The following KCNQ5 variants were observed in gnomAD, a reference collection of about 807,000 sequenced individuals.
The protein encoded by KCNQ5 is potassium voltage-gated channel subfamily Q member 5, also known as potassium voltage-gated channel subfamily KQT member 5.
In KCNQ5, 30 loss-of-function variants were observed where a neutral mutation model predicts 98.2. The observed-to-expected ratio is 0.31, with a 90% CI of 0.23 to 0.41. The LOEUF is 0.41. KCNQ5 is among the 10% of genes least tolerant of loss of function. KCNQ5 has a pLI of 1.00. For synonymous variants in KCNQ5, 458 were observed against 449.4 expected (o/e 1.02, Z -0.24); for missense variants, 835 against 1,182.5 (o/e 0.71, Z 4.31).
chr6:73,129,209 A>G (rs1200017426), intron 9 of KCNQ5, among the ~76,000 whole-genome samples: 1 of 152,244 alleles, frequency 6.6e-6, no homozygotes, highest in East Asian at 1.9e-4. Flanking sequence ...TTGATAGAGG[A>G]AACGGATTTA....
At chr6:73,018,321 G>A (rs1027801202) in intron 2 of KCNQ5, among the ~76,000 whole-genome samples, 2 of 152,044 alleles carry the variant, frequency 1.3e-5, no homozygotes, top group Non-Finnish European at 2.9e-5. Flanking sequence ...CTGTAGCCAG[G>A]CAGGGATGCG....
intron 1 of KCNQ5, among the ~76,000 whole-genome samples, chr6:72,624,029 T>C (rs963325612): frequency 2.6e-5 from 4 of 152,224 alleles, no homozygotes; most frequent in Admixed American, 2.6e-4. Flanking sequence ...CAGTCCCAGA[T>C]TGACGTGAAC....
rs796455196 is a variant in KCNQ5 at position 72,786,952 on chromosome 6, C to T, written c.398+164365C>T. 1.8e-4 allele frequency among the ~76,000 whole-genome samples: 26 copies of T among 145,362 alleles called. 2 individuals are homozygous for T. The highest frequency in any genetic ancestry group is 6.7e-4 in the African/African-American group (26 of 38,696). ...ACCCAGGAGGCGAGCTTGCAGTGAGCCGAGATTGTGCCACTGTACTCCAGC... is the reference window on the plus strand; with the variant it reads ...ACCCAGGAGGCGAGCTTGCAGTGAGTCGAGATTGTGCCACTGTACTCCAGC... On this transcript the variant is annotated intron_variant, in intron 1 of 13. Transcript: ENST00000370398.
At chr6:72,780,543 G>A (rs190840754) in intron 1 of KCNQ5, among the ~76,000 whole-genome samples, 1 of 152,250 alleles carries the variant, frequency 6.6e-6, no homozygotes, top group Non-Finnish European at 1.5e-5. Flanking sequence ...TCCCAGACTT[G>A]GGGACTGTAT....
At chr6:72,908,139 T>C (rs190121815) in intron 1 of KCNQ5, among the ~76,000 whole-genome samples, 1 of 152,042 alleles carries the variant, frequency 6.6e-6, no homozygotes, top group Non-Finnish European at 1.5e-5. Flanking sequence ...CCTTGAAAAT[T>C]TGGAACATTT....
chr6:73,162,242 A>T (rs2150495221), intron 10 of KCNQ5, among the ~76,000 whole-genome samples: 1 of 152,208 alleles, frequency 6.6e-6, no homozygotes, highest in South Asian at 2.1e-4. Flanking sequence ...AGCTCTTTTT[A>T]AATGTCAGGG....
At chr6:73,079,953 A>G (rs1773699846) in intron 5 of KCNQ5, among the ~76,000 whole-genome samples, 1 of 152,222 alleles carries the variant, frequency 6.6e-6, no homozygotes, top group African/African-American at 2.4e-5. Context: ...ATTCTAATGT[A>G]TTTGACTTAC....
At chr6:73,164,091 C>T (rs1019821382) in intron 10 of KCNQ5, among the ~76,000 whole-genome samples, 23 of 152,036 alleles carry the variant, frequency 1.5e-4, no homozygotes, top group African/African-American at 4.3e-4. Flanking sequence ...AATTTGGTGA[C>T]GTTTTTGTGA....
intron 1 of KCNQ5, among the ~76,000 whole-genome samples, chr6:72,855,710 T>C (rs894775523): frequency 6.6e-6 from 1 of 152,178 alleles, no homozygotes; most frequent in Non-Finnish European, 1.5e-5. Flanking sequence ...AAATGGTCTA[T>C]GAGTCAGAAG....
chr6:72,937,219 A>T (rs1284998393), intron 1 of KCNQ5, among the ~76,000 whole-genome samples: 2 of 152,170 alleles, frequency 1.3e-5, no homozygotes, highest in African/African-American at 2.4e-5. Flanking sequence ...CTCTCTCCTC[A>T]ATTTTTTTGG....
chr6:72,812,391 C>G (rs1023770584), intron 1 of KCNQ5, among the ~76,000 whole-genome samples: 2 of 152,182 alleles, frequency 1.3e-5, no homozygotes, highest in African/African-American at 4.8e-5. Context: ...AGCACTCTAC[C>G]TGTAGTAGGT....
rs1768859236 is a variant in KCNQ5, at chr6:72,987,670, C to T, written c.399-16238C>T. ...GAGCTGGAAGTACAGCCGCGGAGCC[C>T]GTCTCTGCTTCTCCACCGCCCCCAA... On this transcript the variant is annotated intron_variant, in intron 1 of 13. Transcript: ENST00000370398. The T allele has an allele frequency of 1.1e-5, 7 of 610,144 alleles. No homozygotes were observed. The East Asian group carries it at 1.2e-4, about 10-fold the overall frequency. 37.8% of individuals were successfully genotyped at this position (610,144 alleles called of 1,614,324 possible).
intron 1 of KCNQ5, among the ~76,000 whole-genome samples, chr6:72,810,978 G>A (rs1260838099): frequency 3.3e-5 from 5 of 152,142 alleles, no homozygotes; most frequent in East Asian, 3.8e-4. Flanking sequence ...CAGAGTATTC[G>A]CTGTATAAAC....
At chr6:73,162,290 T>C (rs1055320637) in intron 10 of KCNQ5, among the ~76,000 whole-genome samples, 2 of 152,112 alleles carry the variant, frequency 1.3e-5, no homozygotes, top group Non-Finnish European at 2.9e-5. Context: ...ACACTGCTAA[T>C]CAATAGGAAA....
At chr6:73,168,234 A>C (rs1413402228) in intron 10 of KCNQ5, among the ~76,000 whole-genome samples, 2 of 152,208 alleles carry the variant, frequency 1.3e-5, no homozygotes, top group African/African-American at 4.8e-5. Context: ...GCACTGCCTC[A>C]ATGAATGAAC....
chr6:72,799,859 C>A (rs1311253473), intron 1 of KCNQ5, among the ~76,000 whole-genome samples: 1 of 152,050 alleles, frequency 6.6e-6, no homozygotes, highest in East Asian at 1.9e-4. Flanking sequence ...AAAACTCTTC[C>A]AAATAGTGTA....
chr6:73,080,396 TA>T (rs990712447), intron 5 of KCNQ5, among the ~76,000 whole-genome samples: 25 of 152,320 alleles, frequency 1.6e-4, no homozygotes, highest in African/African-American at 5.3e-4. Context: ...TATTGGTCCG[TA>T]GCAGGTTTGT....
At chr6:72,672,456 A>G (rs917240967) in intron 1 of KCNQ5, among the ~76,000 whole-genome samples, 7 of 152,202 alleles carry the variant, frequency 4.6e-5, no homozygotes, top group Non-Finnish European at 8.8e-5. Context: ...AATAGAAGAA[A>G]GTTAAAAAGA....
At chr6:72,828,920 A>G (rs1776117326) in intron 1 of KCNQ5, among the ~76,000 whole-genome samples, 1 of 152,110 alleles carries the variant, frequency 6.6e-6, no homozygotes, top group Non-Finnish European at 1.5e-5. Flanking sequence ...TCTTTGTTTT[A>G]ATACAACCTA....
Sources: allele counts gnomAD v4.1 joint callset (sites outside exome capture counted in the v4.1 genomes callset), GRCh38; gene constraint gnomAD v4.1.1; transcripts MANE v1.5; gene names NCBI Gene and HGNC (gene_info 2026-07-23, HGNC 2026-07-21).